The following EEA1 variants were observed in gnomAD, a reference collection of about 807,000 sequenced individuals.
The protein encoded by EEA1 is early endosome antigen 1, 162kD.
Under a neutral mutation model 209.2 loss-of-function variants are expected in EEA1, and 111 were observed. The observed-to-expected ratio is 0.53, with a 90% CI of 0.45 to 0.62. EEA1 has a LOEUF of 0.62. Ranked by LOEUF, EEA1 falls within the 20% of genes least tolerant of loss-of-function variation. EEA1 has a pLI of 0.00. For missense variants in EEA1, 1,343 were observed against 1,530.8 expected, an observed-to-expected ratio of 0.88 and a Z score of 2.05; for synonymous variants, 536 against 540.6, an observed-to-expected ratio of 0.99 and a Z score of 0.12.
intron 18 of EEA1, among the ~76,000 whole-genome samples, chr12:92,807,346 T>C (rs1354421076): frequency 1.3e-5 from 2 of 152,136 alleles, no homozygotes; most frequent in Non-Finnish European, 2.9e-5. Flanking sequence ...TCAAACTTAA[T>C]GATGAAACAT....
intron 25 of EEA1, among the ~76,000 whole-genome samples, chr12:92,778,590 TG>T (rs1873762516): frequency 1.3e-5 from 2 of 151,246 alleles, no homozygotes; most frequent in Middle Eastern, 3.4e-3. Context: ...AATGACTGTT[TG>T]AAGTTAAAAT....
At chr12:92,777,460 A>AT (rs1223137270) in intron 27 of EEA1, 83 bp downstream of exon 27, 2 of 1,427,542 alleles carry the variant, frequency 1.4e-6, no homozygotes, top group East Asian at 2.3e-5. Flanking sequence ...AAAACATGAG[A>AT]TTTTTTAAAA....
intron 18 of EEA1, among the ~76,000 whole-genome samples, chr12:92,804,142 T>C (rs1222465094): frequency 1.3e-5 from 2 of 152,176 alleles, no homozygotes; most frequent in African/African-American, 4.8e-5. Flanking sequence ...TTATAGCCAC[T>C]CCACCCAATA....
chr12:92,784,003 A>C (rs1401882802), intron 22 of EEA1, among the ~76,000 whole-genome samples: 2 of 152,202 alleles, frequency 1.3e-5, no homozygotes, highest in Non-Finnish European at 1.5e-5. Flanking sequence ...TCTTACCAGT[A>C]ACCCAGTTAC....
At chr12:92,856,411 TTC>T (rs911015194) in intron 5 of EEA1, among the ~76,000 whole-genome samples, 60 of 152,314 alleles carry the variant, frequency 3.9e-4, no homozygotes, top group African/African-American at 1.3e-3. Context: ...AGTGATTTTC[TTC>T]TGTTTTTCTC....
intron 9 of EEA1, among the ~76,000 whole-genome samples, chr12:92,845,647 C>T (rs1169651241): frequency 1.3e-5 from 2 of 152,176 alleles, no homozygotes; most frequent in Non-Finnish European, 2.9e-5. Context: ...CTAAAGTATT[C>T]CCACTTCCAC....
intron 1 of EEA1, among the ~76,000 whole-genome samples, chr12:92,908,132 A>G (rs1464638622): frequency 1.3e-5 from 2 of 152,234 alleles, no homozygotes; most frequent in Non-Finnish European, 2.9e-5. Flanking sequence ...TCCACAATGA[A>G]ATATTATTCA....
At chr12:92,910,785 T>TA (rs1192921691) in intron 1 of EEA1, among the ~76,000 whole-genome samples, 1 of 151,914 alleles carries the variant, frequency 6.6e-6, no homozygotes, top group African/African-American at 2.4e-5. Context: ...AATTCAACAG[T>TA]AAAAAAATAA....
At chr12:92,915,994 G>C (rs1340217796) in intron 1 of EEA1, among the ~76,000 whole-genome samples, 1 of 152,110 alleles carries the variant, frequency 6.6e-6, no homozygotes, top group African/African-American at 2.4e-5. Context: ...TTATAGATAA[G>C]TTCCTAGTAC....
Position 92,799,057 on chromosome 12 carries a change from A to C in EEA1, c.2802T>G (p.Asn934Lys), listed in dbSNP as rs765627880. Reference protein sequence around the residue: ...EASHQLKLELNSMQEQLIQAQ... With the variant: ...EASHQLKLELKSMQEQLIQAQ... ...CCTGTATAAGTTGTTCCTGCATTGA[A>C]TTGAGTTCCAATTTCAACTGATGAG... The change falls in exon 21 of 29, where the codon AAT becomes AAG. Residue 934 changes from asparagine to lysine, a missense_variant. Asn to Lys is a moderately conservative substitution (Grantham distance 94). This residue lies in a region of EEA1 where 1,307 missense variants were observed against 1,465.5 expected (regional missense o/e 0.89). Transcript: ENST00000322349. 1.3e-5 allele frequency: 20 copies of C among 1,598,446 alleles called. No homozygotes were observed. Among genetic ancestry groups the C allele is most frequent in the Middle Eastern group, 1.7e-4 (1 of 6,012 alleles).
rs1240496964 is a variant in EEA1 at position 92,844,904 on chromosome 12, T to C, written c.799-2323A>G. Among the ~76,000 whole-genome samples the C allele has an allele frequency of 2.0e-5, 3 of 152,060 alleles. No individual in the cohort carries two copies. In the East Asian group the frequency reaches 5.8e-4, roughly 29 times the overall value. ...TTCATAAAATTTATTAAGCCAAGTG[T>C]AAGGTCTATCTTGCTGATAAATTCC... On this transcript the variant is annotated intron_variant, in intron 9 of 28. Transcript: ENST00000322349.
At chr12:92,797,161 C>A (rs1202283528) in intron 21 of EEA1, among the ~76,000 whole-genome samples, 6 of 152,208 alleles carry the variant, frequency 3.9e-5, no homozygotes, top group African/African-American at 1.4e-4. Flanking sequence ...GATCTTGGCT[C>A]ACTGCAACCT....
chr12:92,828,391 AAT>A (rs1273503368), intron 11 of EEA1, among the ~76,000 whole-genome samples: 1 of 152,048 alleles, frequency 6.6e-6, no homozygotes, highest in Non-Finnish European at 1.5e-5. Flanking sequence ...ACAACTTAAA[AAT>A]TAAGACACTT....
chr12:92,843,396 C>A (rs1877256164), intron 9 of EEA1, among the ~76,000 whole-genome samples: 1 of 152,012 alleles, frequency 6.6e-6, no homozygotes, highest in Non-Finnish European at 1.5e-5. Context: ...TGGGCTCAAG[C>A]GACTCTCCCA....
chr12:92,853,104 T>C, intron 6 of EEA1, 79 bp from the exon 7 acceptor site: 1 of 934,460 alleles, frequency 1.1e-6, no homozygotes, highest in Non-Finnish European at 1.6e-6. Context: ...TTTATTACAG[T>C]TGTAAAGATG....
intron 3 of EEA1, among the ~76,000 whole-genome samples, chr12:92,863,934 A>G (rs1421681508): frequency 6.6e-6 from 1 of 152,230 alleles, no homozygotes; most frequent in East Asian, 1.9e-4. Context: ...TAAATATAAG[A>G]ACATTTATAA....
At chr12:92,826,742 A>T (rs556702055) in intron 12 of EEA1, among the ~76,000 whole-genome samples, 1 of 151,422 alleles carries the variant, frequency 6.6e-6, no homozygotes, top group South Asian at 2.1e-4. Flanking sequence ...GAAAAGAAAA[A>T]AAGCAGTACC....
At chr12:92,872,780 C>T (rs1257827113) in intron 2 of EEA1, among the ~76,000 whole-genome samples, 4 of 151,990 alleles carry the variant, frequency 2.6e-5, no homozygotes, top group Admixed American at 6.6e-5. Flanking sequence ...TGGTGAAACC[C>T]CATCTCTCCT....
In EEA1 at chr12:92,827,934, T is replaced by G; in HGVS notation, c.1382A>C (p.Lys461Thr). ...KEQQVADLQL[K>T]LSRLEEQLKE... ...TACCTGCTCTTCTAACCGAGAAAGT[T>G]TGAGTTGTAAATCAGCCACTTGTTG... The change falls in exon 12 of 29, where the codon AAA becomes ACA. Residue 461 changes from lysine to threonine, a missense_variant. Physicochemically the swap from Lys to Thr is moderately conservative, Grantham distance 78. This residue lies in a region of EEA1 where 1,307 missense variants were observed against 1,465.5 expected (regional missense o/e 0.89). Coordinates refer to ENST00000322349, the MANE Select transcript of EEA1 (RefSeq NM_003566.4). 6.4e-7 allele frequency: 1 copy of G among 1,570,160 alleles called. No individual in the cohort carries two copies. The highest frequency in any genetic ancestry group is 8.6e-7 in the Non-Finnish European group (1 of 1,161,582).
Sources: allele counts gnomAD v4.1 joint callset (sites outside exome capture counted in the v4.1 genomes callset), GRCh38; gene constraint gnomAD v4.1.1; regional missense constraint gnomAD v4.1.1; transcripts MANE v1.5; gene names NCBI Gene and HGNC (gene_info 2026-07-23, HGNC 2026-07-21).